Variants in NEO1 observed in about 807,000 individuals in gnomAD.
NEO1 encodes neogenin 1, also known as neogenin.
A neutral mutation model predicts 159.7 loss-of-function variants in NEO1; 63 were observed. The ratio of observed to expected loss-of-function variants is 0.39; its 90% CI spans 0.32 to 0.49. The LOEUF (loss-of-function observed/expected upper bound fraction) is 0.49. Ranked by LOEUF, NEO1 falls within the 20% of genes least tolerant of loss-of-function variation. The probability of loss-of-function intolerance (pLI) is 0.85; values close to 1 mark genes in which losing one functional copy is unlikely to be tolerated. For synonymous variants in NEO1, 633 were observed against 662.0 expected, an observed-to-expected ratio of 0.96 and a Z score of 0.67; for missense variants, 1,615 against 1,831.0, an observed-to-expected ratio of 0.88 and a Z score of 2.15.
At chr15:73,113,816 A>T (rs1018114960) in intron 1 of NEO1, among the ~76,000 whole-genome samples, 13 of 151,754 alleles carry the variant, frequency 8.6e-5, no homozygotes, top group East Asian at 1.9e-4. Context: ...ATATATATAT[A>T]TTTTTCAGTT....
chr15:73,126,568 A>T lies in NEO1; in HGVS notation c.876A>T (p.Glu292Asp), dbSNP rs1327411709. 6.2e-7 allele frequency: 1 copy of T among 1,612,572 alleles called. No homozygotes were observed. ...AAAATGAGGAGGCACTTGACACAGA[A>T]AGGTAAGTGTTGTCTGCCTAAAAGC... Reference protein sequence around the residue: ...WMKNEEALDTESSERLVLLAG... With the variant: ...WMKNEEALDTDSSERLVLLAG... Residue 292 changes from glutamate to aspartate, a missense_variant and splice_region_variant, in exon 4 of 29, where the codon GAA becomes GAT. Glu to Asp is a conservative substitution (Grantham distance 45, BLOSUM62 2). Around this residue, in one of 3 missense-constraint regions of NEO1, gnomAD observed 1,018 missense variants for 1,115.4 expected, o/e 0.91. Coordinates refer to ENST00000261908, the MANE Select transcript of NEO1 (RefSeq NM_002499.4).
At chr15:73,238,366 A>C (rs1204655880) in intron 8 of NEO1, among the ~76,000 whole-genome samples, 1 of 138,610 alleles carries the variant, frequency 7.2e-6, no homozygotes, top group African/African-American at 2.7e-5. Context: ...TGTCTTGTTC[A>C]ATAAAATTCT....
Position 73,273,890 on chromosome 15 carries a change from G to T in NEO1, c.3045G>T (p.Leu1015=). The T allele has an allele frequency of 6.2e-7, 1 of 1,614,106 alleles. No individual in the cohort carries two copies. The highest frequency in any genetic ancestry group is 1.1e-5 in the South Asian group (1 of 91,078). ...WVIEPVVGNR[L]THQIQELTLD... is the part of the protein sequence containing the mutation. ...TTGAGCCTGTTGTGGGAAACAGACT[G>T]ACTCACCAGATACAAGAGTTAACTC... The change falls in exon 20 of 29, where the codon CTG becomes CTT. Residue 1015 remains leucine (L), a synonymous_variant. Transcript: ENST00000261908.
intron 15 of NEO1, among the ~76,000 whole-genome samples, chr15:73,262,545 C>T (rs1309690509): frequency 1.3e-5 from 2 of 152,060 alleles, no homozygotes; most frequent in African/African-American, 2.4e-5. Context: ...AAATTAAACC[C>T]ACAATGAAAT....
rs2041290866 is a variant in NEO1, at chr15:73,273,976, C to A, written c.3131C>A (p.Ser1044Tyr). Residue 1044 changes from serine (S) to tyrosine (Y), a missense_variant, in exon 20 of 29, where the codon TCT becomes TAT. Transcript: ENST00000261908. ...ARNSKGMGPM[S>Y]EAVQFRTPKA... ...AACTCAAAGGGCATGGGACCCATGT[C>A]TGAAGCTGTCCAATTCAGAACACCT... 6.2e-7 allele frequency: 1 copy of A among 1,613,974 alleles called. No individual in the cohort carries two copies. Among genetic ancestry groups the A allele is most frequent in the Admixed American group, 1.7e-5 (1 of 60,000 alleles).
At chr15:73,136,734 A>G (rs1262690817) in intron 5 of NEO1, among the ~76,000 whole-genome samples, 1 of 152,104 alleles carries the variant, frequency 6.6e-6, no homozygotes, top group Non-Finnish European at 1.5e-5. Flanking sequence ...GCATGACTAC[A>G]TAGTCTTGTT....
At chr15:73,250,021 T>G (rs958985219) in intron 11 of NEO1, among the ~76,000 whole-genome samples, 1 of 152,210 alleles carries the variant, frequency 6.6e-6, no homozygotes, top group African/African-American at 2.4e-5. Context: ...TAAATACTAT[T>G]GCTTGTTCAT....
intron 4 of NEO1, among the ~76,000 whole-genome samples, chr15:73,131,061 CCA>C (rs968236198): frequency 1.3e-5 from 2 of 152,098 alleles, no homozygotes; most frequent in Non-Finnish European, 2.9e-5. Context: ...CAGCACCCCC[CCA>C]CACACACCCA....
At chr15:73,267,799 T>C (rs1306632955) in intron 16 of NEO1, among the ~76,000 whole-genome samples, 4 of 152,124 alleles carry the variant, frequency 2.6e-5, no homozygotes, top group African/African-American at 9.7e-5. Context: ...TATTGGACAT[T>C]TGGGTTGGTT....
At chr15:73,166,032 G>A (rs1010008470) in intron 5 of NEO1, among the ~76,000 whole-genome samples, 3 of 152,184 alleles carry the variant, frequency 2.0e-5, no homozygotes, top group African/African-American at 7.2e-5. Flanking sequence ...CCCTGTGCAA[G>A]TTCCCTTATC....
intron 1 of NEO1, among the ~76,000 whole-genome samples, chr15:73,097,149 A>C (rs2070093442): frequency 6.6e-6 from 1 of 152,114 alleles, no homozygotes; most frequent in Non-Finnish European, 1.5e-5. Flanking sequence ...ATAATAATGT[A>C]AAAAAGACTG....
intron 1 of NEO1, among the ~76,000 whole-genome samples, chr15:73,076,418 A>G (rs1323368928): frequency 6.6e-6 from 1 of 152,202 alleles, no homozygotes; most frequent in Non-Finnish European, 1.5e-5. Context: ...TTAAGTAACA[A>G]TGTCATATCT....
chr15:73,260,418 C>A lies in NEO1; in HGVS notation c.2351C>A (p.Thr784Asn). The A allele has an allele frequency of 3.7e-6, 6 of 1,613,868 alleles. No homozygotes were observed. The highest frequency in any genetic ancestry group is 5.1e-6 in the Non-Finnish European group (6 of 1,179,880). Residue 784 changes from threonine to asparagine, a missense_variant, in exon 15 of 29, where the codon ACC (threonine) becomes AAC (asparagine). Thr to Asn is a moderately conservative substitution (Grantham distance 65, BLOSUM62 0). Coordinates refer to ENST00000261908, the MANE Select transcript of NEO1 (RefSeq NM_002499.4). ...GYGIGSPHAQ[T>N]IKVDYKQRYY... ...GGCATTGGCAGCCCTCATGCCCAGA[C>A]CATCAAAGTGGACTATAAACAGCGC...
At chr15:73,072,032 C>G (rs917409355) in intron 1 of NEO1, among the ~76,000 whole-genome samples, 7 of 152,106 alleles carry the variant, frequency 4.6e-5, no homozygotes, top group African/African-American at 1.7e-4. Flanking sequence ...CCCACTGCAA[C>G]CTCCGCCTCC....
intron 1 of NEO1, among the ~76,000 whole-genome samples, chr15:73,082,892 T>G (rs1449978510): frequency 1.3e-5 from 2 of 152,130 alleles, no homozygotes; most frequent in African/African-American, 2.4e-5. Flanking sequence ...AAAGCTTCCC[T>G]AAGGAAGTGA....
intron 7 of NEO1, among the ~76,000 whole-genome samples, chr15:73,205,834 C>T (rs929443940): frequency 1.3e-5 from 2 of 152,096 alleles, no homozygotes; most frequent in African/African-American, 4.8e-5. Context: ...TGATGACTTT[C>T]AAGCTATTTA....
At chr15:73,293,292 A>G (rs2042227290) in intron 25 of NEO1, 98 bp from the exon 26 acceptor site, 4 of 1,428,736 alleles carry the variant, frequency 2.8e-6, no homozygotes, top group Admixed American at 1.7e-5. Flanking sequence ...TTTGGATTGT[A>G]TGGGAGGTGG....
At chr15:73,291,673 A>G (rs753709133) in intron 25 of NEO1, among the ~76,000 whole-genome samples, 8 of 152,294 alleles carry the variant, frequency 5.3e-5, no homozygotes, top group Admixed American at 3.3e-4. Context: ...ACATGGCTCC[A>G]TCCAGGGCCA....
At chr15:73,141,057 T>G (rs1475020134) in intron 5 of NEO1, among the ~76,000 whole-genome samples, 45 of 152,258 alleles carry the variant, frequency 3.0e-4, no homozygotes, top group Admixed American at 2.8e-3. Context: ...GTATTGTTCA[T>G]GTGTGCCACA....
Sources: gnomAD v4.1 joint callset for allele counts (sites outside exome capture counted in the v4.1 genomes callset) on GRCh38, gnomAD v4.1.1 for gene constraint, gnomAD v4.1.1 regional missense constraint, MANE v1.5 for transcripts, NCBI Gene and HGNC (gene_info 2026-07-23, HGNC 2026-07-21) for gene names.